Variants in NRXN3 observed in about 807,000 individuals in gnomAD.
NRXN3 encodes the protein neurexin III.
Under a neutral mutation model 137.6 loss-of-function variants are expected in NRXN3, and 32 were observed. The ratio of observed to expected loss-of-function variants is 0.23; its 90% CI spans 0.18 to 0.31. The LOEUF is 0.31. Ranked by LOEUF, NRXN3 falls within the 10% of genes least tolerant of loss-of-function variation. The probability of loss-of-function intolerance (pLI) is 1.00; values close to 1 mark genes in which losing one functional copy is unlikely to be tolerated. For synonymous variants in NRXN3, 798 were observed against 784.5 expected (o/e 1.02, Z -0.29); for missense variants, 1,574 against 2,062.5 (o/e 0.76, Z 4.59).
intron 4 of NRXN3, among the ~76,000 whole-genome samples, chr14:78,355,393 C>T (rs2084140190): frequency 6.6e-6 from 1 of 151,258 alleles, no homozygotes; most frequent in Non-Finnish European, 1.5e-5. Flanking sequence ...CCATTTCTTT[C>T]AGTCATAGAG....
intron 5 of NRXN3, among the ~76,000 whole-genome samples, chr14:78,647,236 T>A (rs973965432): frequency 1.3e-5 from 2 of 152,264 alleles, no homozygotes; most frequent in African/African-American, 4.8e-5. Context: ...AAATATTGTT[T>A]GTGCTGTTTT....
intron 20 of NRXN3, among the ~76,000 whole-genome samples, chr14:79,811,151 A>G (rs980145958): frequency 7.2e-5 from 11 of 152,224 alleles, no homozygotes; most frequent in African/African-American, 2.4e-4. Flanking sequence ...GTAAAATCTC[A>G]TAGGAATGTT....
At chr14:79,031,754 G>C (rs952775373) in intron 15 of NRXN3, among the ~76,000 whole-genome samples, 9 of 152,204 alleles carry the variant, frequency 5.9e-5, no homozygotes, top group African/African-American at 2.2e-4. Flanking sequence ...AAACAAGAGG[G>C]AATTGTAAAC....
At chr14:78,460,636 C>G (rs992549010) in intron 4 of NRXN3, among the ~76,000 whole-genome samples, 8 of 152,144 alleles carry the variant, frequency 5.3e-5, no homozygotes, top group African/African-American at 1.9e-4. Flanking sequence ...TCGTCAGGAG[C>G]AGGTGGCACT....
chr14:79,274,673 G>A (rs1056204681), intron 15 of NRXN3, among the ~76,000 whole-genome samples: 7 of 151,934 alleles, frequency 4.6e-5, no homozygotes, highest in Non-Finnish European at 7.4e-5. Flanking sequence ...GAGTTCAAAG[G>A]AAGCTAAATA....
intron 4 of NRXN3, among the ~76,000 whole-genome samples, chr14:78,524,526 C>A (rs1337129228): frequency 6.6e-6 from 1 of 152,156 alleles, no homozygotes; most frequent in Non-Finnish European, 1.5e-5. Context: ...CACCTAAGAC[C>A]GATTGAATCA....
chr14:79,423,201 C>G (rs1318059721), intron 15 of NRXN3, among the ~76,000 whole-genome samples: 1 of 152,134 alleles, frequency 6.6e-6, no homozygotes, highest in Non-Finnish European at 1.5e-5. Flanking sequence ...AATGCTCTCC[C>G]ATGTGTAGCA....
intron 8 of NRXN3, among the ~76,000 whole-genome samples, chr14:78,758,245 C>G (rs954001476): frequency 6.6e-6 from 1 of 152,150 alleles, no homozygotes; most frequent in Non-Finnish European, 1.5e-5. Context: ...GTACAATGAA[C>G]GTATTGTTTT....
At chr14:78,651,805 ACCTCCCACTGGCTT>A (rs1397766708) in intron 6 of NRXN3, among the ~76,000 whole-genome samples, 6 of 150,332 alleles carry the variant, frequency 4.0e-5, no homozygotes, top group African/African-American at 1.5e-4. Context: ...TGATTTAATT[ACCTCCCACTGGCTT>A]CCTCCCACTG....
intron 15 of NRXN3, among the ~76,000 whole-genome samples, chr14:79,015,533 G>T (rs562598898): frequency 3.3e-5 from 5 of 152,188 alleles, no homozygotes; most frequent in South Asian, 2.1e-4. Flanking sequence ...TAAAGTCAGA[G>T]GCTGGCTTTG....
chr14:79,177,656 G>A (rs1306393442), intron 15 of NRXN3, among the ~76,000 whole-genome samples: 1 of 152,162 alleles, frequency 6.6e-6, no homozygotes, highest in Non-Finnish European at 1.5e-5. Context: ...ACTCTTACAG[G>A]TGTCTTTCCC....
At chr14:78,411,502 C>T (rs1179321376) in intron 4 of NRXN3, among the ~76,000 whole-genome samples, 1 of 152,144 alleles carries the variant, frequency 6.6e-6, no homozygotes, top group African/African-American at 2.4e-5. Flanking sequence ...ATAATACCTT[C>T]CCACAAGGTT....
At chr14:79,644,130 A>G (rs1366393203) in intron 16 of NRXN3, among the ~76,000 whole-genome samples, 5 of 132,190 alleles carry the variant, frequency 3.8e-5, no homozygotes, top group African/African-American at 1.2e-4. Flanking sequence ...TGGGACAATT[A>G]CCCTTGAGAT....
intron 4 of NRXN3, among the ~76,000 whole-genome samples, chr14:78,638,631 G>A (rs1010305878): frequency 1.3e-5 from 2 of 151,908 alleles, no homozygotes; most frequent in African/African-American, 4.9e-5. Context: ...TCATCTCACA[G>A]CTCAGCAGAT....
At chr14:78,331,909 T>C (rs1373718778) in intron 4 of NRXN3, among the ~76,000 whole-genome samples, 3 of 152,190 alleles carry the variant, frequency 2.0e-5, no homozygotes, top group Non-Finnish European at 2.9e-5. Context: ...ACAAGGACCA[T>C]GTAATTATGG....
At chr14:79,178,856 T>C (rs1467297696) in intron 15 of NRXN3, among the ~76,000 whole-genome samples, 11 of 152,180 alleles carry the variant, frequency 7.2e-5, no homozygotes, top group African/African-American at 2.4e-4. Context: ...TGTCATTGAG[T>C]CAGCAGCTTT....
intron 10 of NRXN3, among the ~76,000 whole-genome samples, chr14:78,882,257 AC>A (rs1411750406): frequency 6.6e-6 from 1 of 151,766 alleles, no homozygotes; most frequent in Non-Finnish European, 1.5e-5. Flanking sequence ...GAGCCCCCAC[AC>A]GGAGTCCCTA....
intron 4 of NRXN3, among the ~76,000 whole-genome samples, chr14:78,565,289 C>T (rs935859686): frequency 1.3e-5 from 2 of 152,100 alleles, no homozygotes; most frequent in African/African-American, 4.8e-5. Context: ...TTCCTGTTTC[C>T]CCTGTAAACA....
chr14:78,915,246 T>C (rs2099251588), intron 10 of NRXN3, among the ~76,000 whole-genome samples: 1 of 148,418 alleles, frequency 6.7e-6, no homozygotes, highest in Non-Finnish European at 1.5e-5. Context: ...TTTCTATATA[T>C]GGAGTACTGT....
Sources: gnomAD v4.1 joint callset for allele counts (sites outside exome capture counted in the v4.1 genomes callset) on GRCh38, gnomAD v4.1.1 for gene constraint, MANE v1.5 for transcripts, NCBI Gene and HGNC (gene_info 2026-07-23, HGNC 2026-07-21) for gene names.